Variants in CACNA1D observed in about 807,000 individuals in gnomAD.
CACNA1D encodes the protein calcium voltage-gated channel subunit alpha1 D.
CACNA1D carries 55 observed loss-of-function variants against 257.1 expected under a neutral mutation model. The ratio of observed to expected loss-of-function variants is 0.21; its 90% CI spans 0.17 to 0.27. CACNA1D has a LOEUF of 0.27. Among genes scored for constraint, CACNA1D ranks in the 10% least tolerant of loss-of-function variants. CACNA1D has a pLI of 1.00. For missense variants in CACNA1D, 1,876 were observed against 2,784.0 expected (o/e 0.67, Z 7.34); for synonymous variants, 980 against 1,014.9 (o/e 0.97, Z 0.65).
At chr3:53,662,645 C>A (rs1252027664) in intron 5 of CACNA1D, among the ~76,000 whole-genome samples, 1 of 152,214 alleles carries the variant, frequency 6.6e-6, no homozygotes, top group Non-Finnish European at 1.5e-5. Context: ...ACATTTCTGA[C>A]CCGGTGTTCT....
chr3:53,784,615 G>A (rs1171028997), intron 39 of CACNA1D, among the ~76,000 whole-genome samples: 2 of 152,308 alleles, frequency 1.3e-5, no homozygotes, highest in South Asian at 2.1e-4. Flanking sequence ...CATCAGGGTG[G>A]AATGGGGTGT....
intron 37 of CACNA1D, 141 bp downstream of exon 37, chr3:53,777,097 G>A: frequency 1.4e-6 from 1 of 723,934 alleles, no homozygotes; most frequent in Non-Finnish European, 2.5e-6. Context: ...CCTACCTCTG[G>A]GGAAATCTCA....
intron 9 of CACNA1D, among the ~76,000 whole-genome samples, chr3:53,705,644 C>A (rs1055355980): frequency 6.6e-6 from 1 of 152,164 alleles, no homozygotes. Context: ...CCCGAGTCAT[C>A]AGATTTCCAG....
intron 9 of CACNA1D, among the ~76,000 whole-genome samples, chr3:53,715,927 G>C (rs144625093): frequency 6.6e-6 from 1 of 152,142 alleles, no homozygotes; most frequent in Non-Finnish European, 1.5e-5. Context: ...AGTTGGCAGG[G>C]GGCCAGAAAT....
At chr3:53,730,197 A>G (rs912618894) in intron 15 of CACNA1D, among the ~76,000 whole-genome samples, 1 of 152,186 alleles carries the variant, frequency 6.6e-6, no homozygotes, top group African/African-American at 2.4e-5. Flanking sequence ...CATGGGTTTT[A>G]GTGAATCTTA....
intron 3 of CACNA1D, among the ~76,000 whole-genome samples, chr3:53,593,501 A>G (rs1681421916): frequency 6.6e-6 from 1 of 152,176 alleles, no homozygotes; most frequent in South Asian, 2.1e-4. Context: ...AATACACCCC[A>G]AGCCTGGTGT....
chr3:53,558,638 G>C (rs1053023777), intron 3 of CACNA1D, among the ~76,000 whole-genome samples: 2 of 152,130 alleles, frequency 1.3e-5, no homozygotes, highest in Non-Finnish European at 2.9e-5. Context: ...GCTAGGTAAA[G>C]GATTATAGAT....
intron 3 of CACNA1D, among the ~76,000 whole-genome samples, chr3:53,627,125 G>A (rs779671391): frequency 2.6e-5 from 4 of 152,190 alleles, no homozygotes; most frequent in Non-Finnish European, 4.4e-5. Flanking sequence ...AGGCATCTAC[G>A]TGCAGATTCC....
In CACNA1D at chr3:53,811,109, A is replaced by G. The variant is rs756630418; in HGVS notation, c.6193-4A>G. The G allele has an allele frequency of 2.1e-5, 34 of 1,613,042 alleles. No individual in the cohort carries two copies. Among genetic ancestry groups the G allele is most frequent in the Non-Finnish European group, 2.7e-5 (32 of 1,179,226 alleles). On this transcript the variant is annotated splice_region_variant and splice_polypyrimidine_tract_variant and intron_variant, in intron 47 of 47. Transcript: ENST00000350061. The surrounding 1 kb of genome is among the most constrained non-coding windows in gnomAD (Gnocchi z 4.2). ...CATGCCATCCATCCCTCTTTTCTGT[A>G]CAGGTCCTGATATCCGAAGGCTTGG...
chr3:53,719,653 A>G (rs1484731874), intron 10 of CACNA1D, 102 bp from the exon 11 acceptor site: 2 of 1,065,508 alleles, frequency 1.9e-6, no homozygotes, highest in African/African-American at 1.6e-5. Flanking sequence ...TGCTAAGTCC[A>G]GGCTGTATGC....
In CACNA1D at chr3:53,723,756, G is replaced by A. The variant is rs201732026; in HGVS notation, c.1893-36G>A. ...GTGATGTTCTGCTCTGTCCTGCATG[G>A]GTGTTCTGAGCTGACACCCTCATCT... On this transcript the variant is annotated intron_variant, in intron 13 of 47. Transcript: ENST00000350061. This position sits in a 1 kb window ranked among gnomAD's most constrained non-coding sequence, Gnocchi z 5.6. 8 of 1,593,794 alleles carry A rather than the reference G, an allele frequency of 5.0e-6. No homozygotes were observed. The East Asian group carries it at 1.6e-4, about 31-fold the overall frequency.
intron 3 of CACNA1D, among the ~76,000 whole-genome samples, chr3:53,622,864 G>T (rs1474979965): frequency 1.3e-5 from 2 of 151,778 alleles, no homozygotes; most frequent in South Asian, 4.2e-4. Flanking sequence ...GATAGAGGGA[G>T]GTAACATAAT....
intron 3 of CACNA1D, among the ~76,000 whole-genome samples, chr3:53,503,896 T>G (rs976745881): frequency 4.6e-5 from 7 of 152,154 alleles, no homozygotes; most frequent in Non-Finnish European, 8.8e-5. Flanking sequence ...TGTCTTGCTT[T>G]CACTTGGGTG....
intron 3 of CACNA1D, among the ~76,000 whole-genome samples, chr3:53,612,045 TC>T (rs1457704333): frequency 6.6e-6 from 1 of 152,248 alleles, no homozygotes; most frequent in African/African-American, 2.4e-5. Flanking sequence ...CATCTTCATT[TC>T]TAGAAATTTC....
chr3:53,563,896 A>G (rs977594092), intron 3 of CACNA1D, among the ~76,000 whole-genome samples: 2 of 152,196 alleles, frequency 1.3e-5, no homozygotes, highest in African/African-American at 2.4e-5. Flanking sequence ...TTATGTAGGC[A>G]TGAAATTTCA....
At chr3:53,555,469 T>TTTG in intron 3 of CACNA1D, among the ~76,000 whole-genome samples, 1 of 147,568 alleles carries the variant, frequency 6.8e-6, no homozygotes, top group South Asian at 2.1e-4. Context: ...TGTTTTTTTT[T>TTTG]TTTTTTTTTT....
intron 9 of CACNA1D, among the ~76,000 whole-genome samples, chr3:53,715,716 C>T (rs1271597623): frequency 6.6e-6 from 1 of 152,226 alleles, no homozygotes; most frequent in Non-Finnish European, 1.5e-5. Context: ...TGTGCACCTG[C>T]TCTCAGCCAC....
chr3:53,497,127 T>C (rs77610564), intron 1 of CACNA1D, 25 bp from the exon 2 acceptor site: 2 of 1,600,884 alleles, frequency 1.2e-6, no homozygotes, highest in African/African-American at 1.3e-5. Context: ...AAAAAAAAAA[T>C]CTTTGTTTTT....
chr3:53,565,044 A>C (rs1392571395), intron 3 of CACNA1D, among the ~76,000 whole-genome samples: 1 of 152,096 alleles, frequency 6.6e-6, no homozygotes, highest in African/African-American at 2.4e-5. Context: ...GTGGATTATC[A>C]GTGTTTCAGC....
Sources: allele counts gnomAD v4.1 joint callset (sites outside exome capture counted in the v4.1 genomes callset), GRCh38; gene constraint gnomAD v4.1.1; non-coding constraint Gnocchi (gnomAD v3.1); transcripts MANE v1.5; gene names NCBI Gene and HGNC (gene_info 2026-07-23, HGNC 2026-07-21).